The following MECOM variants were observed in gnomAD, a reference collection of about 807,000 sequenced individuals.
MECOM encodes the protein MDS1 and EVI1 complex locus, also known as histone-lysine N-methyltransferase MECOM.
A neutral mutation model predicts 116.3 loss-of-function variants in MECOM; 13 were observed. The observed-to-expected ratio is 0.11, with a 90% CI of 0.07 to 0.18. The LOEUF is 0.18. Ranked by LOEUF, MECOM falls within the 10% of genes least tolerant of loss-of-function variation. MECOM has a pLI of 1.00. For missense variants in MECOM, 1,299 were observed against 1,509.0 expected (o/e 0.86, Z 2.31); for synonymous variants, 528 against 535.2 (o/e 0.99, Z 0.19).
chr3:169,141,216 T>G (rs1226033188), intron 3 of MECOM, among the ~76,000 whole-genome samples: 1 of 152,100 alleles, frequency 6.6e-6, no homozygotes, highest in Non-Finnish European at 1.5e-5. Flanking sequence ...ATTCCGTTTT[T>G]TTAGAGTCCA....
chr3:169,542,730 C>T (rs1049981876), intron 1 of MECOM, among the ~76,000 whole-genome samples: 27 of 152,132 alleles, frequency 1.8e-4, no homozygotes, highest in African/African-American at 5.6e-4. Flanking sequence ...AACTAAACAG[C>T]CATGCCTTTA....
At chr3:169,460,914 T>A (rs543766019) in intron 1 of MECOM, among the ~76,000 whole-genome samples, 48 of 152,242 alleles carry the variant, frequency 3.2e-4, no homozygotes, top group African/African-American at 1.2e-3. Flanking sequence ...ATATGGGAGA[T>A]CATGTTCCAG....
intron 1 of MECOM, among the ~76,000 whole-genome samples, chr3:169,443,246 C>T (rs1578116535): frequency 1.3e-5 from 2 of 152,096 alleles, no homozygotes; most frequent in Non-Finnish European, 2.9e-5. Context: ...CTTCCAAATG[C>T]CACCATCAAA....
chr3:169,160,498 A>G (rs1742678564), intron 2 of MECOM, among the ~76,000 whole-genome samples: 1 of 149,062 alleles, frequency 6.7e-6, no homozygotes, highest in Non-Finnish European at 1.5e-5. Flanking sequence ...GTTATTTTTA[A>G]ATGTACAATA....
At chr3:169,602,288 A>G (rs534279121) in intron 1 of MECOM, among the ~76,000 whole-genome samples, 1 of 152,316 alleles carries the variant, frequency 6.6e-6, no homozygotes, top group Non-Finnish European at 1.5e-5. Flanking sequence ...CAGCTAGCAA[A>G]TGACTAACTT....
intron 3 of MECOM, among the ~76,000 whole-genome samples, chr3:169,140,154 C>T (rs1737674574): frequency 6.6e-6 from 1 of 151,942 alleles, no homozygotes; most frequent in African/African-American, 2.4e-5. Flanking sequence ...TTGCTCCTAC[C>T]CTGCTCTGCC....
At chr3:169,212,667 T>TGC (rs1750915009) in intron 2 of MECOM, among the ~76,000 whole-genome samples, 2 of 104,096 alleles carry the variant, frequency 1.9e-5, no homozygotes, top group Non-Finnish European at 1.9e-5. Flanking sequence ...TATATATATA[T>TGC]ATATATATAT....
chr3:169,187,812 G>T (rs960483118), intron 2 of MECOM, among the ~76,000 whole-genome samples: 12 of 152,190 alleles, frequency 7.9e-5, no homozygotes, highest in African/African-American at 2.9e-4. Flanking sequence ...ACATCCTTGA[G>T]AAAATATTAC....
intron 2 of MECOM, among the ~76,000 whole-genome samples, chr3:169,226,803 G>A (rs1228184638): frequency 2.0e-5 from 3 of 152,196 alleles, no homozygotes; most frequent in African/African-American, 4.8e-5. Flanking sequence ...AACTGACTGT[G>A]CTGAATCTCA....
chr3:169,478,149 C>T (rs1421070079), intron 1 of MECOM, among the ~76,000 whole-genome samples: 2 of 152,148 alleles, frequency 1.3e-5, no homozygotes, highest in African/African-American at 2.4e-5. Context: ...CAAAGAGAGA[C>T]ATCCAATGGC....
chr3:169,198,832 C>T (rs1234777912), intron 2 of MECOM, among the ~76,000 whole-genome samples: 1 of 151,790 alleles, frequency 6.6e-6, no homozygotes, highest in Admixed American at 6.6e-5. Flanking sequence ...GATCAAGCAG[C>T]ATTTTAGTGT....
Position 169,472,624 on chromosome 3 carries a change from AAAGAAAAG to A in MECOM, c.38-91108_38-91101del, listed in dbSNP as rs1749670531. ...AAAGGAAAGGAAAGGAAAGAAAAGA[AAAGAAAAG>A]AAAAGGAAAGGAAAGGAAAAGAAAA... On this transcript the variant is annotated intron_variant, in intron 1 of 16. Coordinates refer to ENST00000651503, the MANE Select transcript of MECOM (RefSeq NM_004991.4). Among the ~76,000 whole-genome samples the A allele has an allele frequency of 2.4e-5, 2 of 81,890 alleles. 1 individual carries two copies. Among genetic ancestry groups the A allele is most frequent in the East Asian group, 5.8e-4 (2 of 3,440 alleles). 53.7% of individuals were successfully genotyped at this position (81,890 alleles called of 152,430 possible). A position where few individuals can be genotyped will look rare whatever the true frequency, so the allele number is the denominator to read the frequency against.
At chr3:169,307,816 C>T (rs1242266034) in intron 2 of MECOM, among the ~76,000 whole-genome samples, 1 of 152,148 alleles carries the variant, frequency 6.6e-6, no homozygotes, top group Non-Finnish European at 1.5e-5. Context: ...TTCTGATGCT[C>T]CATAGCAATT....
chr3:169,557,945 G>A (rs1237750544), intron 1 of MECOM, among the ~76,000 whole-genome samples: 1 of 152,174 alleles, frequency 6.6e-6, no homozygotes, highest in Admixed American at 6.5e-5. Context: ...TTAAGGCTTG[G>A]CTACTGTGAA....
chr3:169,542,898 G>A (rs1576795875), intron 1 of MECOM, among the ~76,000 whole-genome samples: 2 of 152,110 alleles, frequency 1.3e-5, no homozygotes, highest in South Asian at 2.1e-4. Context: ...TAAACCACAC[G>A]CAAGCCATAA....
At chr3:169,094,728 C>A (rs1008758373) in intron 13 of MECOM, among the ~76,000 whole-genome samples, 2 of 152,214 alleles carry the variant, frequency 1.3e-5, no homozygotes, top group African/African-American at 4.8e-5. Context: ...GAGACTCTGC[C>A]ATGCCTAGAG....
chr3:169,514,247 A>G (rs1301406924), intron 1 of MECOM, among the ~76,000 whole-genome samples: 2 of 152,138 alleles, frequency 1.3e-5, no homozygotes, highest in Non-Finnish European at 2.9e-5. Flanking sequence ...TTTTCTAAGT[A>G]GGAAAAGACA....
At chr3:169,661,303 A>G (rs1193693577) in intron 1 of MECOM, among the ~76,000 whole-genome samples, 1 of 123,566 alleles carries the variant, frequency 8.1e-6, no homozygotes, top group East Asian at 2.6e-4. Context: ...ACTCCCGCCA[A>G]CTCCCCCCCC....
chr3:169,136,215 G>A (rs1736315083), intron 3 of MECOM, among the ~76,000 whole-genome samples: 1 of 151,598 alleles, frequency 6.6e-6, no homozygotes, highest in Non-Finnish European at 1.5e-5. Context: ...ACATTTTCAT[G>A]TGGTGTTATT....
Sources: allele counts gnomAD v4.1 joint callset (sites outside exome capture counted in the v4.1 genomes callset), GRCh38; gene constraint gnomAD v4.1.1; transcripts MANE v1.5; gene names NCBI Gene and HGNC (gene_info 2026-07-23, HGNC 2026-07-21).